Variants in CSMD1 observed in about 807,000 individuals in gnomAD.
The protein encoded by CSMD1 is CUB and sushi domain-containing protein 1.
A neutral mutation model predicts 417.5 loss-of-function variants in CSMD1; 213 were observed. The observed-to-expected ratio is 0.51, with a 90% CI of 0.46 to 0.57. The LOEUF (loss-of-function observed/expected upper bound fraction) is 0.57, where lower values mean the gene tolerates loss of function less well. Among genes scored for constraint, CSMD1 ranks in the 20% least tolerant of loss-of-function variants. The probability of loss-of-function intolerance (pLI) is 0.00; values close to 1 mark genes in which losing one functional copy is unlikely to be tolerated. For synonymous variants in CSMD1, 2,862 were observed against 1,736.8 expected, an observed-to-expected ratio of 1.65 and a Z score of -16.11; for missense variants, 6,923 against 4,529.7, an observed-to-expected ratio of 1.53 and a Z score of -15.17.
intron 2 of CSMD1, among the ~76,000 whole-genome samples, chr8:4,528,830 C>T (rs1349884724): frequency 6.6e-6 from 1 of 151,746 alleles, no homozygotes; most frequent in African/African-American, 2.4e-5. Flanking sequence ...ACCATGAAAA[C>T]TTCTGTCTTT....
chr8:3,874,840 T>C (rs1299680945), intron 5 of CSMD1, among the ~76,000 whole-genome samples: 1 of 152,004 alleles, frequency 6.6e-6, no homozygotes, highest in East Asian at 1.9e-4. Flanking sequence ...TTTCGGAGGA[T>C]GAATAAACCC....
At chr8:4,451,099 G>C (rs1016306999) in intron 2 of CSMD1, among the ~76,000 whole-genome samples, 1 of 152,190 alleles carries the variant, frequency 6.6e-6, no homozygotes, top group Non-Finnish European at 1.5e-5. Context: ...GCCAAGGCAG[G>C]AGGATTACTC....
intron 3 of CSMD1, among the ~76,000 whole-genome samples, chr8:4,416,658 G>A (rs529177564): frequency 2.0e-4 from 31 of 152,048 alleles, no homozygotes; most frequent in African/African-American, 7.2e-4. Flanking sequence ...CAGAGAGAGA[G>A]GCTCTTTGGG....
intron 5 of CSMD1, among the ~76,000 whole-genome samples, chr8:3,962,944 GTT>G (rs1812427349): frequency 1.3e-5 from 2 of 151,864 alleles, no homozygotes; most frequent in South Asian, 4.2e-4. Context: ...TTTTTGTTTC[GTT>G]TTGTTTTTTA....
At chr8:3,246,586 C>G (rs1382124362) in intron 26 of CSMD1, among the ~76,000 whole-genome samples, 1 of 152,148 alleles carries the variant, frequency 6.6e-6, no homozygotes, top group Non-Finnish European at 1.5e-5. Context: ...ATTCTCCTGC[C>G]TCAGCCTCCT....
intron 2 of CSMD1, among the ~76,000 whole-genome samples, chr8:4,566,933 T>TA (rs1798643273): frequency 3.5e-5 from 2 of 57,472 alleles, no homozygotes; most frequent in South Asian, 1.0e-3. Flanking sequence ...ACTAAAACTT[T>TA]AAAATAACTC....
At chr8:3,007,118 T>G (rs1258226081) in intron 52 of CSMD1, among the ~76,000 whole-genome samples, 2 of 149,066 alleles carry the variant, frequency 1.3e-5, no homozygotes, top group Non-Finnish European at 3.0e-5. Flanking sequence ...GCAAAGGACA[T>G]GAACAGACAC....
At position 4,278,410 on chromosome 8, in the gene CSMD1, G is replaced by A. The variant is rs141159686; in HGVS notation, c.415+141543C>T. On this transcript the variant is annotated intron_variant, in intron 3 of 69. Coordinates refer to ENST00000635120, the MANE Select transcript of CSMD1 (RefSeq NM_033225.6). ...TATACAGAATATGAATACATATTGA[G>A]CCACATGATACAATTACATCTGATG... 3.9e-5 allele frequency among the ~76,000 whole-genome samples: 6 copies of A among 152,252 alleles called. No individual in the cohort carries two copies. The East Asian group carries it at 1.2e-3, about 29-fold the overall frequency.
intron 3 of CSMD1, among the ~76,000 whole-genome samples, chr8:4,246,128 A>G (rs1283007623): frequency 6.6e-6 from 1 of 152,092 alleles, no homozygotes; most frequent in Non-Finnish European, 1.5e-5. Flanking sequence ...GATCACCCAG[A>G]TATTAAGCCT....
At chr8:3,964,598 C>A (rs935203866) in intron 5 of CSMD1, among the ~76,000 whole-genome samples, 5 of 152,112 alleles carry the variant, frequency 3.3e-5, no homozygotes, top group African/African-American at 2.4e-5. Context: ...CCACTTAAAT[C>A]CCAATTGTAA....
chr8:4,290,490 T>C (rs529168537), intron 3 of CSMD1, among the ~76,000 whole-genome samples: 2 of 152,170 alleles, frequency 1.3e-5, no homozygotes, highest in South Asian at 2.1e-4. Context: ...GCATCTTTCA[T>C]AGCATGAGAA....
Position 4,544,959 on chromosome 8 carries a change from G to C in CSMD1, c.302+92383C>G, listed in dbSNP as rs978548978. 3.0e-4 allele frequency among the ~76,000 whole-genome samples: 45 copies of C among 152,152 alleles called. 1 individual carries two copies. Among genetic ancestry groups the C allele is most frequent in the Admixed American group, 2.8e-3 (43 of 15,268 alleles). ...TTTGAGAAGTTTAAAAACATAATAT[G>C]TCACTTGTTGTCTATAAGCATATTC... On this transcript the variant is annotated intron_variant, in intron 2 of 69. Transcript: ENST00000635120.
chr8:3,822,748 G>A (rs1355289788), intron 5 of CSMD1, among the ~76,000 whole-genome samples: 1 of 152,136 alleles, frequency 6.6e-6, no homozygotes, highest in Admixed American at 6.5e-5. Context: ...GCACCAAAGT[G>A]GAAATACAGG....
At chr8:3,717,648 T>G (rs1801918271) in intron 6 of CSMD1, among the ~76,000 whole-genome samples, 1 of 152,314 alleles carries the variant, frequency 6.6e-6, no homozygotes, top group South Asian at 2.1e-4. Flanking sequence ...TTTATGTATT[T>G]ATTATTAATG....
At position 3,733,209 on chromosome 8, in the gene CSMD1, T is replaced by A. The variant is rs970068021; in HGVS notation, c.931+20721A>T. 1.6e-3 allele frequency among the ~76,000 whole-genome samples: 231 copies of A among 148,724 alleles called. 1 individual carries two copies. Among genetic ancestry groups the A allele is most frequent in the African/African-American group, 5.6e-3 (224 of 40,350 alleles). ...CACACACACACACACACACACACTC[T>A]CTCTCTCTCATACATACACATACAT... On this transcript the variant is annotated intron_variant, in intron 6 of 69. Transcript: ENST00000635120.
intron 1 of CSMD1, among the ~76,000 whole-genome samples, chr8:4,748,613 T>C (rs189517140): frequency 6.6e-6 from 1 of 152,362 alleles, no homozygotes; most frequent in East Asian, 1.9e-4. Flanking sequence ...CATAGTGTTT[T>C]CATTCTAAAT....
At chr8:4,901,086 T>C (rs1804840636) in intron 1 of CSMD1, among the ~76,000 whole-genome samples, 1 of 152,242 alleles carries the variant, frequency 6.6e-6, no homozygotes, top group South Asian at 2.1e-4. Context: ...ATTCAACTTA[T>C]TATTTTGGGC....
At chr8:3,738,809 C>T (rs776311857) in intron 6 of CSMD1, among the ~76,000 whole-genome samples, 57 of 152,180 alleles carry the variant, frequency 3.7e-4, no homozygotes, top group Non-Finnish European at 5.9e-4. Context: ...TAGGCTCACA[C>T]GCGTGACACC....
At chr8:4,261,592 T>C (rs886702967) in intron 3 of CSMD1, among the ~76,000 whole-genome samples, 1 of 152,110 alleles carries the variant, frequency 6.6e-6, no homozygotes, top group Admixed American at 6.6e-5. Flanking sequence ...ATTTATTTTA[T>C]AGAGATGAGG....
Sources: allele counts gnomAD v4.1 joint callset (sites outside exome capture counted in the v4.1 genomes callset), GRCh38; gene constraint gnomAD v4.1.1; transcripts MANE v1.5; gene names NCBI Gene and HGNC (gene_info 2026-07-23, HGNC 2026-07-21).